DDX1: variants seen among roughly 807,000 people sequenced by gnomAD.
The protein encoded by DDX1 is ATP-dependent RNA helicase DDX1.
DDX1 carries 28 observed loss-of-function variants against 108.7 expected under a neutral mutation model. The ratio of observed to expected loss-of-function variants is 0.26; its 90% confidence interval spans 0.19 to 0.35. The LOEUF is 0.35. Among genes scored for constraint, DDX1 ranks in the 10% least tolerant of loss-of-function variants. The pLI, the probability that DDX1 is intolerant of heterozygous loss-of-function variation, is 1.00. For missense variants in DDX1, 710 were observed against 884.5 expected, an observed-to-expected ratio of 0.80 and a Z score of 2.50; for synonymous variants, 295 against 288.9, an observed-to-expected ratio of 1.02 and a Z score of -0.21.
intron 13 of DDX1, among the ~76,000 whole-genome samples, chr2:15,611,943 G>T (rs1353633423): frequency 8.1e-6 from 1 of 123,328 alleles, no homozygotes; most frequent in African/African-American, 3.8e-5. Context: ...TCCCGGACGA[G>T]GCGGCTGGCC....
In DDX1 at chr2:15,631,012, A is replaced by G. The variant is rs1385137377; in HGVS notation, c.*106A>G. Reference sequence around the variant, plus strand: ...AGCAGTATTTATAGTAACGTAAGCTATTAATGCTAACTCTTGCATGTCAAG... The same window carrying G: ...AGCAGTATTTATAGTAACGTAAGCTGTTAATGCTAACTCTTGCATGTCAAG... On this transcript the variant is annotated 3_prime_UTR_variant, in exon 26 of 26. Transcript: ENST00000233084. The G allele has an allele frequency of 6.7e-6, 7 of 1,043,200 alleles. No individual in the cohort carries two copies. The highest frequency in any genetic ancestry group is 8.1e-6 in the Non-Finnish European group (6 of 740,430). 64.6% of individuals were successfully genotyped at this position (1,043,200 alleles called of 1,614,324 possible). A position where few individuals can be genotyped will look rare whatever the true frequency, so the allele number is the denominator to read the frequency against.
rs1452581166 is a variant in DDX1 at position 15,627,124 on chromosome 2, G to A, written c.1665G>A (p.Lys555=). The A allele has an allele frequency of 6.2e-7, 1 of 1,607,844 alleles. No homozygotes were observed. The highest frequency in any genetic ancestry group is 1.7e-5 in the Admixed American group (1 of 59,704). The change falls in exon 20 of 26, where the codon AAG becomes AAA. Residue 555 remains lysine, a synonymous_variant. Transcript: ENST00000233084. ...LHGDRKPHER[K]QNLERFKKGD... ...GTGACAGAAAGCCTCATGAGAGAAA[G>A]CAAAACTTGGAAAGATTTAAGGTAC... is the stretch of plus-strand genomic sequence containing the variant.
intron 1 of DDX1, among the ~76,000 whole-genome samples, chr2:15,594,060 A>G (rs1475871283): frequency 6.6e-6 from 1 of 151,558 alleles, no homozygotes; most frequent in Non-Finnish European, 1.5e-5. Context: ...CCTGGGTGAC[A>G]GAGTGAGACT....
intron 14 of DDX1, among the ~76,000 whole-genome samples, chr2:15,616,853 A>G (rs1665903445): frequency 6.6e-6 from 1 of 152,210 alleles, no homozygotes; most frequent in South Asian, 2.1e-4. Flanking sequence ...CCCCAATTCA[A>G]AAATGGGAAA....
chr2:15,604,015 CAG>C, intron 9 of DDX1, 125 bp downstream of exon 9: 1 of 634,908 alleles, frequency 1.6e-6, no homozygotes, highest in Non-Finnish European at 2.6e-6. Flanking sequence ...ATATTTTCCA[CAG>C]AAAGTTTGGA....
rs529854857 is a variant in DDX1, at chr2:15,595,384, C to T, written c.69-106C>T. On this transcript the variant is annotated intron_variant, in intron 2 of 25. Coordinates refer to ENST00000233084, the MANE Select transcript of DDX1 (RefSeq NM_004939.3). ...ATATTTCTAGTGGAATAAGATGGAT[C>T]GTATTTACCACGTAAAATTTTCTTT... The T allele has an allele frequency of 1.4e-4, 133 of 968,174 alleles. 1 individual carries two copies. The Middle Eastern group carries it at 5.2e-3, about 38-fold the overall frequency. The allele number at this position is 968,174 out of a possible 1,614,324, so 60.0% of individuals were successfully genotyped here. A position where few individuals can be genotyped will look rare whatever the true frequency, so the allele number is the denominator to read the frequency against.
chr2:15,620,714 TCTTGATGTA>T (rs1269092182), intron 17 of DDX1, among the ~76,000 whole-genome samples: 2 of 152,182 alleles, frequency 1.3e-5, no homozygotes, highest in Admixed American at 1.3e-4. Context: ...ATCTGTGTCC[TCTTGATGTA>T]CTTTGTTCTA....
chr2:15,613,786 C>G (rs1055682628), intron 14 of DDX1, among the ~76,000 whole-genome samples: 1 of 150,076 alleles, frequency 6.7e-6, no homozygotes. Flanking sequence ...TTACGAAGGA[C>G]AAAGCTAAGA....
At chr2:15,621,660 T>TG (rs1226134786) in intron 18 of DDX1, among the ~76,000 whole-genome samples, 3 of 151,930 alleles carry the variant, frequency 2.0e-5, no homozygotes, top group South Asian at 2.1e-4. Flanking sequence ...TTTTTTTTTT[T>TG]TTGTTTTTTT....
intron 6 of DDX1, among the ~76,000 whole-genome samples, chr2:15,602,122 A>C (rs1435703724): frequency 6.6e-6 from 1 of 152,204 alleles, no homozygotes; most frequent in East Asian, 1.9e-4. Flanking sequence ...TAAAATCAGG[A>C]CGAATATTGA....
At chr2:15,625,989 A>C (rs1666095802) in intron 19 of DDX1, among the ~76,000 whole-genome samples, 1 of 151,852 alleles carries the variant, frequency 6.6e-6, no homozygotes, top group Non-Finnish European at 1.5e-5. Flanking sequence ...TTTTGAATGG[A>C]GGAGTTGATT....
At chr2:15,627,186 G>A (rs1666113042) in intron 20 of DDX1, 41 bp downstream of exon 20, 2 of 1,129,864 alleles carry the variant, frequency 1.8e-6, no homozygotes, top group South Asian at 1.3e-5. Context: ...TACTTAAGAG[G>A]GGCATTATAT....
chr2:15,607,414 A>G (rs1665681641), intron 13 of DDX1, 101 bp downstream of exon 13: 1 of 979,278 alleles, frequency 1.0e-6, no homozygotes, highest in Non-Finnish European at 1.5e-6. Context: ...TTCAGTGTGT[A>G]TACATAATAC....
At position 15,606,222 on chromosome 2, in the gene DDX1, T is replaced by C. The variant is rs151049117; in HGVS notation, c.775T>C (p.Ser259Pro). The change falls in exon 12 of 26, where the codon TCC becomes CCC. Residue 259 changes from serine (S) to proline (P), a missense_variant. Physicochemically the swap from Ser to Pro is moderately conservative, Grantham distance 74. Transcript: ENST00000233084. ...ACCAAAAGATGGCTTTGTTGCTCTT[T>C]CCAAGGCACCGGATGGTTACATTGT... is the stretch of plus-strand genomic sequence containing the variant. Reference protein sequence around the residue: ...FPPKDGFVALSKAPDGYIVKS... With the variant: ...FPPKDGFVALPKAPDGYIVKS... 1 of 1,614,138 alleles carries C rather than the reference T, an allele frequency of 6.2e-7. No homozygotes were observed. Among genetic ancestry groups the C allele is most frequent in the East Asian group, 2.2e-5 (1 of 44,872 alleles).
intron 9 of DDX1, 124 bp downstream of exon 9, chr2:15,604,014 A>G (rs1257132809): frequency 1.6e-6 from 1 of 640,380 alleles, no homozygotes; most frequent in Non-Finnish European, 2.6e-6. Context: ...TATATTTTCC[A>G]CAGAAAGTTT....
At chr2:15,612,078 G>GC (rs34905896) in intron 13 of DDX1, among the ~76,000 whole-genome samples, 124,391 of 125,116 alleles carry the variant, frequency 0.99, 61,836 homozygotes, top group Non-Finnish European at 1. Flanking sequence ...GGGGCGGCTG[G>GC]CTGGCGGGGC....
chr2:15,592,196 C>T (rs1484513107), intron 1 of DDX1, among the ~76,000 whole-genome samples: 1 of 152,352 alleles, frequency 6.6e-6, no homozygotes, highest in African/African-American at 2.4e-5. Flanking sequence ...TTCTACCAGT[C>T]TCCACTTGGC....
chr2:15,620,236 C>G lies in DDX1; in HGVS notation c.1235C>G (p.Ser412Cys). 1 of 1,613,830 alleles carries G rather than the reference C, an allele frequency of 6.2e-7. No homozygotes were observed. The highest frequency in any genetic ancestry group is 1.7e-4 in the Middle Eastern group (1 of 6,060). ...QVIVCSATLH[S>C]FDVKKLSEKI... ...ATTGTTTGCTCTGCCACTTTGCATT[C>G]TTTCGATGTAAAGAAACTGTCCGAG... is the stretch of plus-strand genomic sequence containing the variant. Residue 412 changes from serine (S) to cysteine (C), a missense_variant, in exon 17 of 26, where the codon TCT becomes TGT. Physicochemically the swap from Ser to Cys is moderately radical, Grantham distance 112. Around this residue, in one of 3 missense-constraint regions of DDX1, gnomAD observed 661 missense variants for 810.2 expected, o/e 0.82. Transcript: ENST00000233084.
chr2:15,606,052 A>C, intron 11 of DDX1, 26 bp downstream of exon 11: 1 of 1,569,966 alleles, frequency 6.4e-7, no homozygotes, highest in Non-Finnish European at 8.6e-7. Flanking sequence ...GTTAGAAAAA[A>C]TTTGCTGTGG....
Sources: gnomAD v4.1 joint callset for allele counts (sites outside exome capture counted in the v4.1 genomes callset) on GRCh38, gnomAD v4.1.1 for gene constraint, gnomAD v4.1.1 regional missense constraint, MANE v1.5 for transcripts, NCBI Gene and HGNC (gene_info 2026-07-23, HGNC 2026-07-21) for gene names.